Variants in FRK observed in about 807,000 individuals in gnomAD.
FRK encodes the protein fyn related Src family tyrosine kinase.
FRK carries 51 observed loss-of-function variants against 56.4 expected under a neutral mutation model. The ratio of observed to expected loss-of-function variants is 0.90; its 90% confidence interval spans 0.72 to 1.14. The LOEUF (loss-of-function observed/expected upper bound fraction) is 1.14. Ranked by LOEUF, FRK falls within the 50% of genes most tolerant of loss-of-function variation. FRK has a pLI of 0.00. For missense variants in FRK, 570 were observed against 601.4 expected, an observed-to-expected ratio of 0.95 and a Z score of 0.55; for synonymous variants, 245 against 217.9, an observed-to-expected ratio of 1.12 and a Z score of -1.10.
At chr6:115,944,453 T>C in intron 5 of FRK, 28 bp from the exon 6 acceptor site, 1 of 1,551,930 alleles carries the variant, frequency 6.4e-7, no homozygotes, top group Non-Finnish European at 8.7e-7. Flanking sequence ...AGTAAGAAAG[T>C]TACCTTAGAG....
At position 116,002,487 on chromosome 6, in the gene FRK, C is replaced by T. The variant is rs145317016; in HGVS notation, c.466+1390G>A. ...TAAAAACTAGCCAGGCATAGTGGCA[C>T]GCGCCTGTAGTCCCAGCTACTTGGT... On this transcript the variant is annotated intron_variant, in intron 2 of 7. Coordinates refer to ENST00000606080, the MANE Select transcript of FRK (RefSeq NM_002031.3). Among the ~76,000 whole-genome samples the T allele has an allele frequency of 1.1e-3, 162 of 152,230 alleles. 3 individuals are homozygous for T. Among genetic ancestry groups the T allele is most frequent in the Non-Finnish European group, 1.1e-3 (74 of 68,006 alleles).
chr6:116,004,415 T>C (rs544105988), intron 1 of FRK, among the ~76,000 whole-genome samples: 36 of 152,298 alleles, frequency 2.4e-4, no homozygotes, highest in Admixed American at 2.0e-3. Context: ...AGGAGGCAAA[T>C]ATTCCAATCA....
the FRK span, among the ~76,000 whole-genome samples, chr6:116,075,819 T>A: frequency 6.6e-6 from 1 of 152,134 alleles, no homozygotes; most frequent in Non-Finnish European, 1.5e-5. Flanking sequence ...AGAAGGCTGT[T>A]AAGGCTGGAC....
intron 2 of FRK, among the ~76,000 whole-genome samples, chr6:115,977,275 G>A (rs1310294796): frequency 1.3e-5 from 2 of 152,180 alleles, no homozygotes; most frequent in Non-Finnish European, 2.9e-5. Flanking sequence ...ATTATTTTGA[G>A]AGAAGAAAGT....
intron 1 of FRK, among the ~76,000 whole-genome samples, chr6:116,010,671 C>T (rs1377774879): frequency 1.3e-5 from 2 of 152,146 alleles, no homozygotes; most frequent in African/African-American, 2.4e-5. Context: ...AGTTATTTAA[C>T]CTCTCTATGC....
rs77798905 is a variant in FRK, at chr6:115,944,202, T to C, written c.1140+42A>G. 25,678 of 1,508,928 alleles carry C rather than the reference T, an allele frequency of 0.017. 271 individuals carry two copies. The highest frequency in any genetic ancestry group is 0.021 in the Non-Finnish European group (22,809 of 1,103,776). The allele number at this position is 1,508,928 out of a possible 1,614,324, so 93.5% of individuals were successfully genotyped here. A position where few individuals can be genotyped will look rare whatever the true frequency, so the allele number is the denominator to read the frequency against. ...TATTGGTCTACTAACTGTTAGACTT[T>C]TGACCTATTACAAAAACTAATTAAA... is the stretch of plus-strand genomic sequence containing the variant. On this transcript the variant is annotated intron_variant, in intron 6 of 7. Coordinates refer to ENST00000606080, the MANE Select transcript of FRK (RefSeq NM_002031.3).
the FRK span, among the ~76,000 whole-genome samples, chr6:116,084,630 T>G: frequency 6.6e-6 from 1 of 152,218 alleles, no homozygotes; most frequent in Non-Finnish European, 1.5e-5. Flanking sequence ...AAGATGTCAC[T>G]TTCCACTTGA....
upstream of FRK, among the ~76,000 whole-genome samples, chr6:116,063,484 A>G: frequency 6.6e-6 from 1 of 152,024 alleles, no homozygotes; most frequent in East Asian, 1.9e-4. Context: ...GTTCTGACTT[A>G]TATGTGGAAG....
At position 116,003,902 on chromosome 6, in the gene FRK, G is replaced by T; in HGVS notation, c.441C>A (p.Ser147Arg). 3 of 1,613,224 alleles carry T rather than the reference G, an allele frequency of 1.9e-6. No homozygotes were observed. Among genetic ancestry groups the T allele is most frequent in the African/African-American group, 1.3e-5 (1 of 74,932 alleles). Residue 147 changes from serine to arginine, a missense_variant, in exon 2 of 8, where the codon AGC becomes AGA. Transcript: ENST00000606080. ...TGSFLIRESESQKGEFSLSVL... is the reference protein window; with the variant it reads ...TGSFLIRESERQKGEFSLSVL... ...CTGAAAGAGAGAATTCTCCTTTTTG[G>T]CTTTCACTTTCTCTGATTAGAAAGG...
chr6:115,998,973 G>A (rs530473687), intron 2 of FRK, among the ~76,000 whole-genome samples: 2 of 152,248 alleles, frequency 1.3e-5, no homozygotes, highest in East Asian at 1.9e-4. Context: ...GTTGTCTCAA[G>A]TAAAATCACA....
chr6:116,064,182 T>C (rs1467669102), upstream of FRK, among the ~76,000 whole-genome samples: 2 of 152,298 alleles, frequency 1.3e-5, no homozygotes, highest in East Asian at 3.9e-4. Flanking sequence ...CACCTCTGCA[T>C]CCTCCTCTAC....
the FRK span, among the ~76,000 whole-genome samples, chr6:116,090,610 G>A: frequency 6.6e-6 from 1 of 152,200 alleles, no homozygotes; most frequent in Non-Finnish European, 1.5e-5. Context: ...AATGTGTCTA[G>A]AGGCAACCTA....
chr6:116,021,760 C>T lies in FRK; in HGVS notation c.345-17762G>A, dbSNP rs139551362. ...ATTGCTTTTTCAAAGCCATATATTCCCTTTCAATCCATGTTTTGAAAAAAG... is the reference window on the plus strand; with the variant it reads ...ATTGCTTTTTCAAAGCCATATATTCTCTTTCAATCCATGTTTTGAAAAAAG... On this transcript the variant is annotated intron_variant, in intron 1 of 7. Transcript: ENST00000606080. Among the ~76,000 whole-genome samples the T allele has an allele frequency of 1.8e-4, 27 of 152,020 alleles. No homozygotes were observed. The East Asian group carries it at 4.0e-3, about 23-fold the overall frequency.
intron 2 of FRK, among the ~76,000 whole-genome samples, chr6:115,998,590 T>C (rs1045523594): frequency 5.3e-5 from 8 of 152,160 alleles, no homozygotes; most frequent in African/African-American, 1.9e-4. Context: ...AAAACACAAA[T>C]TGATACCTTC....
At chr6:116,033,563 G>A (rs1023292957) in intron 1 of FRK, among the ~76,000 whole-genome samples, 1 of 151,938 alleles carries the variant, frequency 6.6e-6, no homozygotes, top group Non-Finnish European at 1.5e-5. Flanking sequence ...TTTCAACTAG[G>A]TGTCTACTTT....
chr6:115,991,079 G>A (rs1774585293), intron 2 of FRK, among the ~76,000 whole-genome samples: 2 of 151,616 alleles, frequency 1.3e-5, no homozygotes, highest in South Asian at 2.1e-4. Flanking sequence ...GTTGACTGCT[G>A]TTTGTGTATA....
chr6:116,003,801 T>C, intron 2 of FRK, 76 bp downstream of exon 2: 1 of 1,511,872 alleles, frequency 6.6e-7, no homozygotes, highest in South Asian at 1.2e-5. Context: ...TAAATGATCG[T>C]GTCCATGTTC....
intron 2 of FRK, among the ~76,000 whole-genome samples, chr6:116,001,479 T>C (rs959985735): frequency 6.6e-6 from 1 of 152,128 alleles, no homozygotes; most frequent in Non-Finnish European, 1.5e-5. Flanking sequence ...AAGGGTCCAT[T>C]TGCTGATAGA....
intron 5 of FRK, among the ~76,000 whole-genome samples, chr6:115,950,359 G>A (rs2114534743): frequency 6.6e-6 from 1 of 152,154 alleles, no homozygotes; most frequent in South Asian, 2.1e-4. Flanking sequence ...TCAAAAAGTG[G>A]GCAAAGGATA....
Sources: allele counts gnomAD v4.1 joint callset (sites outside exome capture counted in the v4.1 genomes callset), GRCh38; gene constraint gnomAD v4.1.1; transcripts MANE v1.5; gene names NCBI Gene and HGNC (gene_info 2026-07-23, HGNC 2026-07-21).